Variants in DGKB observed in about 807,000 individuals in gnomAD.
DGKB encodes 90 kDa diacylglycerol kinase.
In DGKB, 67 loss-of-function variants were observed where a neutral mutation model predicts 114.3. The ratio of observed to expected loss-of-function variants is 0.59; its 90% CI spans 0.48 to 0.72. DGKB has a LOEUF of 0.72. Ranked by LOEUF, DGKB falls within the 30% of genes least tolerant of loss-of-function variation. DGKB has a pLI of 0.00. For missense variants in DGKB, 907 were observed against 975.2 expected (o/e 0.93, Z 0.93); for synonymous variants, 398 against 323.1 (o/e 1.23, Z -2.49).
At chr7:14,809,795 T>C (rs1843196795) in intron 2 of DGKB, among the ~76,000 whole-genome samples, 1 of 152,158 alleles carries the variant, frequency 6.6e-6, no homozygotes, top group South Asian at 2.1e-4. Flanking sequence ...ATGTAGTTGT[T>C]ACCTCAAGAA....
intron 13 of DGKB, among the ~76,000 whole-genome samples, chr7:14,648,838 C>T (rs1171766857): frequency 3.7e-5 from 5 of 135,674 alleles, no homozygotes; most frequent in East Asian, 2.2e-4. Flanking sequence ...TCGAGAGCTA[C>T]ATGAAGAATG....
chr7:14,388,347 T>C (rs1454782629), intron 21 of DGKB, among the ~76,000 whole-genome samples: 1 of 148,482 alleles, frequency 6.7e-6, no homozygotes, highest in Non-Finnish European at 1.5e-5. Context: ...TAAATATATA[T>C]ACATATTTTA....
intron 2 of DGKB, among the ~76,000 whole-genome samples, chr7:14,829,894 TC>T (rs752276897): frequency 6.6e-6 from 1 of 152,016 alleles, no homozygotes; most frequent in Non-Finnish European, 1.5e-5. Flanking sequence ...CGGAAATACT[TC>T]CCAGAAATGC....
chr7:14,526,547 G>C (rs759162871), intron 20 of DGKB, among the ~76,000 whole-genome samples: 1 of 152,130 alleles, frequency 6.6e-6, no homozygotes, highest in African/African-American at 2.4e-5. Context: ...GAAAGGCATT[G>C]TGATAAGAGA....
In DGKB at chr7:14,534,600, T is replaced by G. The variant is rs191818361; in HGVS notation, c.1770+39612A>C. The stretch of plus-strand genomic sequence containing the variant: ...TCTCTATAAGAGACTCACCTTAGAT[T>G]TGAAGACACACATAGGCTGAAAGTG... On this transcript the variant is annotated intron_variant, in intron 20 of 25. Transcript: ENST00000402815. Among the ~76,000 whole-genome samples, 635 of 152,174 alleles carry G rather than the reference T, an allele frequency of 4.2e-3. 5 individuals carry two copies. The highest frequency in any genetic ancestry group is 0.015 in the African/African-American group (615 of 41,524).
chr7:14,277,795 T>C (rs1480942273), intron 23 of DGKB, among the ~76,000 whole-genome samples: 5 of 152,190 alleles, frequency 3.3e-5, no homozygotes, highest in Middle Eastern at 3.2e-3. Flanking sequence ...CGAGGTAGGA[T>C]TGCTGGATCA....
chr7:14,554,663 T>C (rs1795615844), intron 20 of DGKB, among the ~76,000 whole-genome samples: 1 of 152,186 alleles, frequency 6.6e-6, no homozygotes, highest in Non-Finnish European at 1.5e-5. Flanking sequence ...ATCATGTCAA[T>C]AAGTATGACA....
At chr7:14,616,140 C>A (rs1429682407) in intron 15 of DGKB, among the ~76,000 whole-genome samples, 2 of 149,814 alleles carry the variant, frequency 1.3e-5, no homozygotes, top group Non-Finnish European at 3.0e-5. Context: ...TCCATCACTA[C>A]CACTCCCATT....
intron 20 of DGKB, among the ~76,000 whole-genome samples, chr7:14,572,178 G>T (rs1206720686): frequency 6.6e-6 from 1 of 151,962 alleles, no homozygotes; most frequent in African/African-American, 2.4e-5. Context: ...TATAGGCCGG[G>T]CGCGGTAGCT....
chr7:14,722,609 C>T (rs1001237189), intron 5 of DGKB, among the ~76,000 whole-genome samples: 2 of 152,010 alleles, frequency 1.3e-5, no homozygotes, highest in African/African-American at 2.4e-5. Context: ...GTGAAGAGAT[C>T]GAGAACATCC....
At chr7:14,709,566 C>T (rs1480865545) in intron 6 of DGKB, among the ~76,000 whole-genome samples, 1 of 133,028 alleles carries the variant, frequency 7.5e-6, no homozygotes, top group Non-Finnish European at 1.6e-5. Context: ...GGAACCAACC[C>T]AAATGTCCAA....
chr7:14,490,937 A>C (rs1271715239), intron 20 of DGKB, among the ~76,000 whole-genome samples: 1 of 151,754 alleles, frequency 6.6e-6, no homozygotes, highest in Non-Finnish European at 1.5e-5. Flanking sequence ...TTTTGACCTG[A>C]TTAATTGTGG....
chr7:14,163,632 A>G (rs1784219626), intron 25 of DGKB, among the ~76,000 whole-genome samples: 1 of 152,210 alleles, frequency 6.6e-6, no homozygotes, highest in African/African-American at 2.4e-5. Context: ...TGCTCATGCC[A>G]GTATGTTTCA....
chr7:14,872,674 G>C (rs1852648821), intron 1 of DGKB, among the ~76,000 whole-genome samples: 1 of 152,000 alleles, frequency 6.6e-6, no homozygotes, highest in Admixed American at 6.6e-5. Flanking sequence ...TTGTTTCACA[G>C]ACATTAGATA....
intron 21 of DGKB, among the ~76,000 whole-genome samples, chr7:14,380,811 T>G (rs1392033766): frequency 6.6e-6 from 1 of 152,236 alleles, no homozygotes. Flanking sequence ...TCAAAGCATA[T>G]GGACTATATT....
chr7:14,647,916 A>C (rs4342477), intron 13 of DGKB, among the ~76,000 whole-genome samples: 111,857 of 152,110 alleles, frequency 0.74, 41,273 homozygotes, highest in Admixed American at 0.81. Context: ...CACTCCCACC[A>C]GAATACTGTG....
chr7:14,909,880 G>C (rs1478542980), intron 1 of DGKB, among the ~76,000 whole-genome samples: 1 of 151,968 alleles, frequency 6.6e-6, no homozygotes, highest in Non-Finnish European at 1.5e-5. Context: ...ATAATCTTGG[G>C]ACACTGTGAT....
intron 1 of DGKB, among the ~76,000 whole-genome samples, chr7:14,908,373 A>G (rs777714986): frequency 3.9e-5 from 6 of 152,174 alleles, no homozygotes; most frequent in Non-Finnish European, 5.9e-5. Context: ...ATATTTACAC[A>G]GAGCCCTGCA....
chr7:14,679,378 T>C (rs114383877), intron 12 of DGKB, among the ~76,000 whole-genome samples: 1,948 of 152,088 alleles, frequency 0.013, 37 homozygotes, highest in African/African-American at 0.045. Context: ...ATTTGACACA[T>C]TAGGAAATTT....
Sources: allele counts gnomAD v4.1 joint callset (sites outside exome capture counted in the v4.1 genomes callset), GRCh38; gene constraint gnomAD v4.1.1; transcripts MANE v1.5; gene names NCBI Gene and HGNC (gene_info 2026-07-23, HGNC 2026-07-21).